CDKN2B-AS1: variants seen among roughly 807,000 people sequenced by gnomAD.
CDKN2B-AS1 encodes the protein CDKN2B antisense RNA 1 (non-protein coding).
intron 4 of CDKN2B-AS1, among the ~76,000 whole-genome samples, chr9:22,083,997 A>G (rs181167736): frequency 4.8e-4 from 73 of 152,316 alleles, no homozygotes; most frequent in African/African-American, 1.7e-3. Flanking sequence ...CTTTCTGACC[A>G]TTGATTGAAA....
chr9:22,004,174 A>C (rs1338390698), intron 1 of CDKN2B-AS1: 1 of 232,358 alleles, frequency 4.3e-6, no homozygotes, highest in East Asian at 6.1e-5. Context: ...CCTTTCCCCA[A>C]TAACATATGC....
chr9:22,050,151 C>T (rs56026501), intron 3 of CDKN2B-AS1, among the ~76,000 whole-genome samples: 164 of 152,300 alleles, frequency 1.1e-3, no homozygotes, highest in Non-Finnish European at 1.8e-3. Flanking sequence ...CATGCACACA[C>T]ATAGACTTAA....
intron 3 of CDKN2B-AS1, among the ~76,000 whole-genome samples, chr9:22,053,453 GT>G (rs1365240028): frequency 4.6e-5 from 7 of 152,224 alleles, no homozygotes; most frequent in Admixed American, 2.6e-4. Context: ...TTTTCAGCAT[GT>G]TTCACCTAGC....
intron 4 of CDKN2B-AS1, among the ~76,000 whole-genome samples, chr9:22,097,939 A>C (rs1825340934): frequency 6.6e-6 from 1 of 152,168 alleles, no homozygotes; most frequent in Non-Finnish European, 1.5e-5. Flanking sequence ...GAAAGACTTG[A>C]GGCTATGAGT....
intron 1 of CDKN2B-AS1, among the ~76,000 whole-genome samples, chr9:22,011,435 A>T (rs1233588879): frequency 6.6e-6 from 1 of 152,194 alleles, no homozygotes; most frequent in African/African-American, 2.4e-5. Flanking sequence ...CCTCTGTGGC[A>T]TGTGTCCATA....
chr9:22,007,871 T>C (rs1473495097), intron 1 of CDKN2B-AS1, among the ~76,000 whole-genome samples: 1 of 152,188 alleles, frequency 6.6e-6, no homozygotes, highest in East Asian at 1.9e-4. Context: ...CCTCATTTGT[T>C]ATACCATTAT....
chr9:22,120,881 G>A (rs1303830285), intron 4 of CDKN2B-AS1: 1 of 151,834 alleles, frequency 6.6e-6, no homozygotes, highest in Non-Finnish European at 1.5e-5. Flanking sequence ...CATTTTACAT[G>A]TGTTACTGGT....
intron 4 of CDKN2B-AS1, among the ~76,000 whole-genome samples, chr9:22,123,993 T>C (rs1293143703): frequency 6.6e-6 from 1 of 151,966 alleles, no homozygotes; most frequent in Non-Finnish European, 1.5e-5. Flanking sequence ...AATATTGTAT[T>C]AGTTCTCATT....
chr9:22,114,106 C>A (rs1240666400), intron 4 of CDKN2B-AS1, among the ~76,000 whole-genome samples: 1 of 152,174 alleles, frequency 6.6e-6, no homozygotes, highest in Non-Finnish European at 1.5e-5. Flanking sequence ...GCCTTTGGAA[C>A]TTATGTAGCA....
chr9:22,049,481 C>CTG (rs1365517518), intron 3 of CDKN2B-AS1, among the ~76,000 whole-genome samples: 2 of 69,298 alleles, frequency 2.9e-5, no homozygotes, highest in Non-Finnish European at 4.5e-5. Context: ...GCTTTTAGGA[C>CTG]TCTCTGCACA....
intron 1 of CDKN2B-AS1, among the ~76,000 whole-genome samples, chr9:22,024,854 G>C (rs576684618): frequency 1.1e-4 from 16 of 152,170 alleles, no homozygotes; most frequent in Admixed American, 2.0e-4. Context: ...CACTGGTCAG[G>C]CATGGCCCAC....
intron 3 of CDKN2B-AS1, among the ~76,000 whole-genome samples, chr9:22,055,912 C>G (rs1823542061): frequency 6.6e-6 from 1 of 151,916 alleles, no homozygotes; most frequent in Non-Finnish European, 1.5e-5. Context: ...TAGTACAAAT[C>G]AGAATAAAAT....
intron 4 of CDKN2B-AS1, among the ~76,000 whole-genome samples, chr9:22,100,776 G>T (rs550224079): frequency 6.6e-6 from 1 of 152,258 alleles, no homozygotes; most frequent in Admixed American, 6.5e-5. Flanking sequence ...AACAATGTAT[G>T]GAGGTTCCCA....
intron 4 of CDKN2B-AS1, among the ~76,000 whole-genome samples, chr9:22,102,180 A>G (rs1379576606): frequency 6.6e-6 from 1 of 152,178 alleles, no homozygotes; most frequent in African/African-American, 2.4e-5. Flanking sequence ...CATTCCTTTG[A>G]ATTGCACATT....
intron 1 of CDKN2B-AS1, among the ~76,000 whole-genome samples, chr9:22,021,426 A>G (rs7048912): frequency 0.096 from 14,627 of 152,142 alleles, 2,352 homozygotes; most frequent in African/African-American, 0.33. Flanking sequence ...TTGGTTCCAT[A>G]TGACTTTTAA....
At chr9:22,064,775 G>A (rs1352645047) in intron 4 of CDKN2B-AS1, among the ~76,000 whole-genome samples, 1 of 152,112 alleles carries the variant, frequency 6.6e-6, no homozygotes, top group Non-Finnish European at 1.5e-5. Context: ...GACTCATGAT[G>A]AGCTGAGTGG....
chr9:22,100,644 G>C (rs1825451781), intron 4 of CDKN2B-AS1, among the ~76,000 whole-genome samples: 1 of 152,080 alleles, frequency 6.6e-6, no homozygotes, highest in South Asian at 2.1e-4. Context: ...AAGTCTTTGT[G>C]TGGAAGTATT....
At chr9:22,041,677 C>T (rs1822902037) in intron 1 of CDKN2B-AS1, among the ~76,000 whole-genome samples, 1 of 151,974 alleles carries the variant, frequency 6.6e-6, no homozygotes, top group Non-Finnish European at 1.5e-5. Context: ...TGAAATCTTA[C>T]TGAAAAAACA....
chr9:22,010,393 A>G (rs1242141710), intron 1 of CDKN2B-AS1, among the ~76,000 whole-genome samples: 1 of 152,282 alleles, frequency 6.6e-6, no homozygotes, highest in Admixed American at 6.5e-5. Flanking sequence ...GCATAAGTGG[A>G]CCTCTCCTAA....
Sources: allele counts gnomAD v4.1 joint callset (sites outside exome capture counted in the v4.1 genomes callset), GRCh38; gene constraint gnomAD v4.1.1; transcripts MANE v1.5; gene names NCBI Gene and HGNC (gene_info 2026-07-23, HGNC 2026-07-21).